The following ATP10D variants were observed in gnomAD, a reference collection of about 807,000 sequenced individuals.
The protein encoded by ATP10D is ATPase phospholipid transporting 10D (putative).
Under a neutral mutation model 144.8 loss-of-function variants are expected in ATP10D, and 89 were observed. The observed-to-expected ratio is 0.61, with a 90% CI of 0.52 to 0.73. The LOEUF is 0.73. Ranked by LOEUF, ATP10D falls within the 30% of genes least tolerant of loss-of-function variation. The pLI is 0.00. For missense variants in ATP10D, 1,603 were observed against 1,714.8 expected (o/e 0.93, Z 1.15); for synonymous variants, 571 against 615.1 (o/e 0.93, Z 1.06).
In ATP10D at chr4:47,558,105, T is replaced by C. The variant is rs1560444213; in HGVS notation, c.2266T>C (p.Phe756Leu). Residue 756 changes from phenylalanine to leucine, a missense_variant, in exon 12 of 23, where the codon TTT becomes CTT. By Grantham distance (22) the Phe-to-Leu change is conservative. Coordinates refer to ENST00000273859, the MANE Select transcript of ATP10D (RefSeq NM_020453.4). Reference sequence around the variant, plus strand: ...GACACCAGAGCAGGTCATGGTGGACTTTGCTGCTTTGGGACCATTAACATT... The same window carrying C: ...GACACCAGAGCAGGTCATGGTGGACCTTGCTGCTTTGGGACCATTAACATT... ...SRTPEQVMVD[F>L]AALGPLTFQL... 1 of 1,614,210 alleles carries C rather than the reference T, an allele frequency of 6.2e-7. No homozygotes were observed. The highest frequency in any genetic ancestry group is 2.2e-5 in the East Asian group (1 of 44,882).
chr4:47,494,568 C>T (rs1043647042), intron 1 of ATP10D, among the ~76,000 whole-genome samples: 6 of 129,122 alleles, frequency 4.6e-5, no homozygotes, highest in African/African-American at 1.7e-4. Context: ...TCTTAATGGG[C>T]CCATATGATG....
chr4:47,537,412 G>A (rs768054068), intron 9 of ATP10D, among the ~76,000 whole-genome samples: 1 of 152,054 alleles, frequency 6.6e-6, no homozygotes, highest in Non-Finnish European at 1.5e-5. Context: ...TAAATTCCAA[G>A]TTTACAAAAT....
At chr4:47,560,505 AAAAC>A (rs1349982483) in intron 13 of ATP10D, among the ~76,000 whole-genome samples, 6 of 152,118 alleles carry the variant, frequency 3.9e-5, no homozygotes, top group Non-Finnish European at 5.9e-5. Context: ...AAAACAAAAC[AAAAC>A]AAACAAACAA....
At position 47,580,369 on chromosome 4, in the gene ATP10D, TACCTCCCCG is replaced by T; in HGVS notation, c.3568-28_3568-20del. 6.5e-7 allele frequency: 1 copy of T among 1,541,948 alleles called. No individual in the cohort carries two copies. The highest frequency in any genetic ancestry group is 9.0e-7 in the Non-Finnish European group (1 of 1,114,686). On this transcript the variant is annotated intron_variant, in intron 19 of 22. Transcript: ENST00000273859. ...TTTCTTGGACCCTTGTTAATCTTACTACCTCCCCGTTATCTGCTTCATTTCTAGGCATAC... is the reference window on the plus strand; with the variant it reads ...TTTCTTGGACCCTTGTTAATCTTACTTTATCTGCTTCATTTCTAGGCATAC...
intron 19 of ATP10D, among the ~76,000 whole-genome samples, chr4:47,578,899 G>A (rs924354604): frequency 6.6e-6 from 1 of 152,218 alleles, no homozygotes; most frequent in Non-Finnish European, 1.5e-5. Flanking sequence ...AAGAATGGAA[G>A]AATGTATATG....
chr4:47,490,944 G>C, intron 1 of ATP10D: 1 of 471,412 alleles, frequency 2.1e-6, no homozygotes, highest in South Asian at 2.1e-5. Context: ...TTTTTTTTCA[G>C]TCAGAAGTCT....
chr4:47,527,805 C>T (rs1359320824), intron 5 of ATP10D, among the ~76,000 whole-genome samples: 1 of 152,092 alleles, frequency 6.6e-6, no homozygotes, highest in Non-Finnish European at 1.5e-5. Context: ...TAAAATAGTA[C>T]AACCACTTTG....
At chr4:47,510,199 G>C (rs1328066659) in intron 1 of ATP10D, among the ~76,000 whole-genome samples, 1 of 152,054 alleles carries the variant, frequency 6.6e-6, no homozygotes, top group Non-Finnish European at 1.5e-5. Flanking sequence ...GCACTTCTCT[G>C]TCTAGCTTAA....
chr4:47,565,429 T>C (rs1235310484), intron 15 of ATP10D, among the ~76,000 whole-genome samples: 1 of 152,176 alleles, frequency 6.6e-6, no homozygotes, highest in Non-Finnish European at 1.5e-5. Flanking sequence ...AGAAAATGCT[T>C]AGTCATTTCA....
chr4:47,526,845 T>C (rs1383934117), intron 5 of ATP10D, among the ~76,000 whole-genome samples: 1 of 152,108 alleles, frequency 6.6e-6, no homozygotes, highest in East Asian at 1.9e-4. Context: ...TAAACACTAG[T>C]GAAACAAAAT....
At position 47,592,698 on chromosome 4, in the gene ATP10D, G is replaced by C. The variant is rs554682827; in HGVS notation, c.*1317G>C. 2 of 152,424 alleles carry C rather than the reference G, an allele frequency of 1.3e-5. No individual in the cohort carries two copies. The highest frequency in any genetic ancestry group is 2.9e-5 in the Non-Finnish European group (2 of 67,982). The allele number at this position is 152,424 out of a possible 1,614,324, so 9.4% of individuals were successfully genotyped here. The stretch of plus-strand genomic sequence containing the variant: ...CTTCTTAATGACTATTATTCTCAGG[G>C]TTTAGTTTTCTACCTTCTGCCTACT... On this transcript the variant is annotated 3_prime_UTR_variant, in exon 23 of 23. Coordinates refer to ENST00000273859, the MANE Select transcript of ATP10D (RefSeq NM_020453.4).
chr4:47,498,548 C>T (rs187570329), intron 1 of ATP10D, among the ~76,000 whole-genome samples: 4 of 152,300 alleles, frequency 2.6e-5, no homozygotes, highest in Admixed American at 2.0e-4. Context: ...CCAAGTATAT[C>T]TCCAGCAAAG....
At chr4:47,490,520 A>G (rs1441748805) in intron 1 of ATP10D, among the ~76,000 whole-genome samples, 1 of 152,234 alleles carries the variant, frequency 6.6e-6, no homozygotes, top group Non-Finnish European at 1.5e-5. Context: ...GTGCATGAGA[A>G]GAAGTATGGT....
rs565936945 is a variant in ATP10D, at chr4:47,571,346, A to G, written c.3164-808A>G. 1.2e-3 allele frequency among the ~76,000 whole-genome samples: 175 copies of G among 148,918 alleles called. 1 individual carries two copies. The highest frequency in any genetic ancestry group is 2.2e-3 in the Non-Finnish European group (151 of 67,356). ...TAATTTATATCATGCATTATGTAAT[A>G]TATAACAATTATATTATAACTTATA... On this transcript the variant is annotated intron_variant, in intron 16 of 22. Transcript: ENST00000273859.
At chr4:47,561,107 G>A (rs775913169) in intron 14 of ATP10D, 32 bp downstream of exon 14, 13 of 1,612,260 alleles carry the variant, frequency 8.1e-6, no homozygotes, top group African/African-American at 1.3e-5. Context: ...TGCCTGAATG[G>A]AGGATTTTGA....
At position 47,560,973 on chromosome 4, in the gene ATP10D, G is replaced by T; in HGVS notation, c.2566G>T (p.Glu856Ter). 1.2e-6 allele frequency: 2 copies of T among 1,614,120 alleles called. No homozygotes were observed. The highest frequency in any genetic ancestry group is 2.2e-5 in the South Asian group (2 of 91,082). Residue 856 changes from glutamate to a stop codon, truncating the protein, a stop_gained, in exon 14 of 23, where the codon GAG (glutamate) becomes TAG (stop). Transcript: ENST00000273859. LOFTEE classifies it high-confidence loss of function. ...KKVMSDTEYA[E>*]WLRNHFLAET... ...GGTCATGAGTGACACTGAATATGCA[G>T]AGTGGCTGAGGAATCATTTTTTAGC...
At chr4:47,511,857 A>G (rs1400247685) in intron 1 of ATP10D, among the ~76,000 whole-genome samples, 1 of 152,214 alleles carries the variant, frequency 6.6e-6, no homozygotes, top group Non-Finnish European at 1.5e-5. Context: ...GGTGTGGGCT[A>G]CAGTGGTTCC....
chr4:47,489,356 TAA>T (rs778751082), intron 1 of ATP10D, among the ~76,000 whole-genome samples: 3 of 151,746 alleles, frequency 2.0e-5, no homozygotes, highest in Non-Finnish European at 2.9e-5. Context: ...GAGAAGTGGA[TAA>T]AAGCAAGTTA....
At chr4:47,536,126 A>T (rs1190894735) in intron 7 of ATP10D, 93 bp downstream of exon 7, 2 of 1,450,232 alleles carry the variant, frequency 1.4e-6, no homozygotes, top group Non-Finnish European at 1.9e-6. Flanking sequence ...TGACTTTGGT[A>T]AGGTGGATTT....
Sources: gnomAD v4.1 joint callset for allele counts (sites outside exome capture counted in the v4.1 genomes callset) on GRCh38, gnomAD v4.1.1 for gene constraint, MANE v1.5 for transcripts, NCBI Gene and HGNC (gene_info 2026-07-23, HGNC 2026-07-21) for gene names.